Variants in PDZRN4 observed in about 807,000 individuals in gnomAD.
The protein encoded by PDZRN4 is PDZ domain-containing RING finger protein 4.
PDZRN4 carries 70 observed loss-of-function variants against 99.0 expected under a neutral mutation model. The ratio of observed to expected loss-of-function variants is 0.71; its 90% confidence interval spans 0.58 to 0.86. The LOEUF is 0.86. Among genes scored for constraint, PDZRN4 ranks in the 40% least tolerant of loss-of-function variants. PDZRN4 has a pLI of 0.00. For synonymous variants in PDZRN4, 551 were observed against 501.6 expected (o/e 1.10, Z -1.32); for missense variants, 1,474 against 1,331.2 (o/e 1.11, Z -1.67).
At chr12:41,338,161 A>G (rs546831820) in intron 3 of PDZRN4, among the ~76,000 whole-genome samples, 1 of 152,242 alleles carries the variant, frequency 6.6e-6, no homozygotes, top group Admixed American at 6.5e-5. Flanking sequence ...TCTATATCTA[A>G]GTATGCGACT....
intron 3 of PDZRN4, among the ~76,000 whole-genome samples, chr12:41,438,830 C>T (rs550535611): frequency 7.2e-5 from 11 of 152,126 alleles, no homozygotes; most frequent in Admixed American, 4.6e-4. Context: ...TGCTCAAGTT[C>T]GAATTTCTTA....
intron 3 of PDZRN4, among the ~76,000 whole-genome samples, chr12:41,256,873 G>T (rs1398148425): frequency 1.3e-5 from 2 of 152,138 alleles, no homozygotes; most frequent in Non-Finnish European, 2.9e-5. Context: ...TCTCTAATTA[G>T]TCAACTGGCT....
intron 3 of PDZRN4, among the ~76,000 whole-genome samples, chr12:41,470,826 G>T (rs770183767): frequency 5.9e-5 from 9 of 152,188 alleles, no homozygotes; most frequent in African/African-American, 2.2e-4. Context: ...CACACAATGG[G>T]GGAGCCAGGA....
At chr12:41,543,870 C>T (rs756248590) in intron 5 of PDZRN4, among the ~76,000 whole-genome samples, 3 of 152,100 alleles carry the variant, frequency 2.0e-5, no homozygotes, top group Non-Finnish European at 4.4e-5. Context: ...AAATAAAATG[C>T]ACTCATTAGC....
intron 3 of PDZRN4, among the ~76,000 whole-genome samples, chr12:41,256,379 G>C (rs1157200593): frequency 6.6e-6 from 1 of 151,874 alleles, no homozygotes; most frequent in Non-Finnish European, 1.5e-5. Context: ...TAAGAAGTGT[G>C]GCAAAAAGGG....
chr12:41,197,193 T>A (rs1950779005), intron 3 of PDZRN4, among the ~76,000 whole-genome samples: 1 of 152,090 alleles, frequency 6.6e-6, no homozygotes. Flanking sequence ...TTTTCCAAAG[T>A]TATTCACTTG....
chr12:41,196,650 G>T (rs1419311994), intron 3 of PDZRN4, among the ~76,000 whole-genome samples: 1 of 151,948 alleles, frequency 6.6e-6, no homozygotes, highest in East Asian at 1.9e-4. Context: ...TGTTGTAAAA[G>T]ATCCCTATGT....
intron 3 of PDZRN4, among the ~76,000 whole-genome samples, chr12:41,461,352 C>A (rs1952872229): frequency 6.6e-6 from 1 of 152,176 alleles, no homozygotes; most frequent in Non-Finnish European, 1.5e-5. Context: ...TTTTCCTGAT[C>A]CTCTCCATCC....
chr12:41,274,379 A>C (rs1951336236), intron 3 of PDZRN4, among the ~76,000 whole-genome samples: 1 of 152,212 alleles, frequency 6.6e-6, no homozygotes, highest in African/African-American at 2.4e-5. Context: ...ATTTGAAGGA[A>C]TATATAGAGT....
intron 3 of PDZRN4, among the ~76,000 whole-genome samples, chr12:41,447,838 C>G (rs2120490380): frequency 6.6e-6 from 1 of 151,988 alleles, no homozygotes; most frequent in Non-Finnish European, 1.5e-5. Context: ...CTGAACTTAC[C>G]CATAAATTTT....
intron 3 of PDZRN4, among the ~76,000 whole-genome samples, chr12:41,304,384 C>T (rs1185444370): frequency 2.6e-5 from 4 of 152,136 alleles, no homozygotes; most frequent in African/African-American, 9.7e-5. Context: ...TGATTTAGTG[C>T]TTATCTCAAA....
intron 8 of PDZRN4, among the ~76,000 whole-genome samples, chr12:41,564,724 G>GA: frequency 6.6e-6 from 1 of 151,768 alleles, no homozygotes; most frequent in East Asian, 1.9e-4. Context: ...TAGGAGTGGG[G>GA]AAAAAAGCCC....
intron 5 of PDZRN4, among the ~76,000 whole-genome samples, chr12:41,511,872 A>G (rs1229484823): frequency 6.6e-6 from 1 of 152,148 alleles, no homozygotes; most frequent in Non-Finnish European, 1.5e-5. Context: ...AATTCTGTCT[A>G]TGTGTTGCAC....
chr12:41,307,343 G>T (rs1951577791), intron 3 of PDZRN4, among the ~76,000 whole-genome samples: 1 of 152,130 alleles, frequency 6.6e-6, no homozygotes, highest in South Asian at 2.1e-4. Context: ...TTCTATATCT[G>T]TACACTACCT....
chr12:41,284,140 T>C (rs1049551711), intron 3 of PDZRN4, among the ~76,000 whole-genome samples: 2 of 152,226 alleles, frequency 1.3e-5, no homozygotes. Context: ...CTCCTTAAGC[T>C]GATAAGCAAC....
chr12:41,276,310 A>G (rs1021093840), intron 3 of PDZRN4, among the ~76,000 whole-genome samples: 1 of 152,146 alleles, frequency 6.6e-6, no homozygotes, highest in Non-Finnish European at 1.5e-5. Context: ...CAGAAACCAT[A>G]CAAGAAAATG....
intron 3 of PDZRN4, among the ~76,000 whole-genome samples, chr12:41,451,118 C>T (rs946014891): frequency 1.3e-5 from 2 of 151,748 alleles, no homozygotes; most frequent in African/African-American, 4.8e-5. Context: ...GAAAGTCAGA[C>T]CGTAACAGTC....
intron 3 of PDZRN4, among the ~76,000 whole-genome samples, chr12:41,194,569 C>G (rs978166752): frequency 6.6e-6 from 1 of 152,120 alleles, no homozygotes; most frequent in African/African-American, 2.4e-5. Flanking sequence ...CGATGTTAAA[C>G]CCAGGAGGTC....
chr12:41,449,245 T>C (rs910668179), intron 3 of PDZRN4, among the ~76,000 whole-genome samples: 3 of 152,166 alleles, frequency 2.0e-5, no homozygotes, highest in African/African-American at 7.2e-5. Context: ...GAGTAGGTCC[T>C]TTCTTTTCTC....
Sources: gnomAD v4.1 joint callset for allele counts (sites outside exome capture counted in the v4.1 genomes callset) on GRCh38, gnomAD v4.1.1 for gene constraint, MANE v1.5 for transcripts, NCBI Gene and HGNC (gene_info 2026-07-23, HGNC 2026-07-21) for gene names.